TTYH2: variants seen among roughly 807,000 people sequenced by gnomAD.
TTYH2 encodes tweety family member 2.
In TTYH2, 49 loss-of-function variants were observed where a neutral mutation model predicts 68.3. The ratio of observed to expected loss-of-function variants is 0.72; its 90% CI spans 0.57 to 0.91. The LOEUF (loss-of-function observed/expected upper bound fraction) is 0.91, where lower values mean the gene tolerates loss of function less well. Ranked by LOEUF, TTYH2 falls within the 40% of genes least tolerant of loss-of-function variation. TTYH2 has a pLI of 0.00. For synonymous variants in TTYH2, 272 were observed against 300.8 expected (o/e 0.90, Z 0.99); for missense variants, 631 against 700.4 (o/e 0.90, Z 1.12).
rs1172598763 is a variant in TTYH2 at position 74,214,064 on chromosome 17, A to C, written c.129+348A>C. 6.6e-6 allele frequency among the ~76,000 whole-genome samples: 1 copy of C among 152,112 alleles called. No individual in the cohort carries two copies. Among genetic ancestry groups the C allele is most frequent in the Non-Finnish European group, 1.5e-5 (1 of 68,012 alleles). On this transcript the variant is annotated intron_variant, in intron 1 of 13. Coordinates refer to ENST00000269346, the MANE Select transcript of TTYH2 (RefSeq NM_032646.6). This position sits in a 1 kb window ranked among gnomAD's most constrained non-coding sequence, Gnocchi z 4.6. ...AGGACAGGGGCATTCGTCTCGGGGT[A>C]ATCCTGGCGCGCGAGGTGCGGGGAT...
At chr17:74,225,191 G>A (rs940341115) in intron 2 of TTYH2, among the ~76,000 whole-genome samples, 1 of 151,944 alleles carries the variant, frequency 6.6e-6, no homozygotes, top group Non-Finnish European at 1.5e-5. Flanking sequence ...GAGGGAAGAG[G>A]AACGTGCAAA....
intron 13 of TTYH2, among the ~76,000 whole-genome samples, chr17:74,254,906 T>A (rs2050677720): frequency 1.3e-5 from 2 of 152,184 alleles, no homozygotes; most frequent in South Asian, 4.1e-4. Flanking sequence ...AAACACAGCC[T>A]TCCTCAATCC....
At chr17:74,223,996 T>A (rs1182369123) in intron 2 of TTYH2, among the ~76,000 whole-genome samples, 7 of 152,290 alleles carry the variant, frequency 4.6e-5, no homozygotes, top group African/African-American at 1.7e-4. Flanking sequence ...GCTGCTGCAA[T>A]ACATGGCCGG....
At position 74,215,614 on chromosome 17, in the gene TTYH2, C is replaced by T. The variant is rs1034934626; in HGVS notation, c.129+1898C>T. On this transcript the variant is annotated intron_variant, in intron 1 of 13. Coordinates refer to ENST00000269346, the MANE Select transcript of TTYH2 (RefSeq NM_032646.6). This position sits in a 1 kb window ranked among gnomAD's most constrained non-coding sequence, Gnocchi z 4.3. ...CCCACTGGCTCCTGGTCCCGCTCAC[C>T]CCCTCACCACCACTCAGATCGCTGA... The T allele has an allele frequency of 7.0e-5, 108 of 1,535,340 alleles. No homozygotes were observed. In the African/African-American group the frequency reaches 1.2e-3, roughly 17 times the overall value.
intron 10 of TTYH2, chr17:74,251,845 A>G (rs12602357): frequency 0.12 from 24,457 of 204,476 alleles, 1,750 homozygotes; most frequent in Non-Finnish European, 0.15. Context: ...CTGCTGGCCT[A>G]TGTTCTCTCT....
Position 74,250,084 on chromosome 17 carries a change from C to T in TTYH2, c.1023+56C>T. ...CCAGATGAACCCTGACAGCCCTTTC[C>T]CCTGCCCCGGCCCCAGGGCCAGGCT... On this transcript the variant is annotated intron_variant, in intron 9 of 13. Coordinates refer to ENST00000269346, the MANE Select transcript of TTYH2 (RefSeq NM_032646.6). The T allele has an allele frequency of 2.5e-6, 4 of 1,592,572 alleles. No homozygotes were observed. In the South Asian group the frequency reaches 4.4e-5, roughly 18 times the overall value.
rs140938440 is a variant in TTYH2, at chr17:74,236,795, C to T, written c.415-499C>T. ...GACATGAGGACTGGGTGGGTAGTGG[C>T]GGCCTCTGTCTTCAGTCCTTCCTCC... On this transcript the variant is annotated intron_variant, in intron 3 of 13. Coordinates refer to ENST00000269346, the MANE Select transcript of TTYH2 (RefSeq NM_032646.6). 4.6e-3 allele frequency among the ~76,000 whole-genome samples: 701 copies of T among 152,074 alleles called. 6 individuals carry two copies. The highest frequency in any genetic ancestry group is 0.016 in the African/African-American group (668 of 41,470).
At chr17:74,247,241 C>T (rs1449303409) in intron 6 of TTYH2, among the ~76,000 whole-genome samples, 2 of 151,400 alleles carry the variant, frequency 1.3e-5, no homozygotes, top group African/African-American at 2.4e-5. Flanking sequence ...AAAAGAACAG[C>T]GTGAGAAAGA....
At position 74,239,987 on chromosome 17, in the gene TTYH2, A is replaced by T. The variant is rs2050482706; in HGVS notation, c.635+2473A>T. On this transcript the variant is annotated intron_variant, in intron 4 of 13. Transcript: ENST00000269346. The surrounding 1 kb of genome is among the most constrained non-coding windows in gnomAD (Gnocchi z 5.3). ...CTCATGTGGGCATTTTGTTAATGAC[A>T]CTGATGGAATTAAGTCAGAATTTAC... 6.6e-6 allele frequency among the ~76,000 whole-genome samples: 1 copy of T among 152,234 alleles called. No homozygotes were observed. The highest frequency in any genetic ancestry group is 1.5e-5 in the Non-Finnish European group (1 of 68,048).
intron 9 of TTYH2, 44 bp downstream of exon 9, chr17:74,250,072 G>C: frequency 6.2e-7 from 1 of 1,603,332 alleles, no homozygotes; most frequent in Non-Finnish European, 8.5e-7. Flanking sequence ...GATGAACCCT[G>C]ACAGCCCTTT....
intron 1 of TTYH2, among the ~76,000 whole-genome samples, chr17:74,216,062 G>T (rs1003002715): frequency 6.6e-6 from 1 of 152,220 alleles, no homozygotes; most frequent in African/African-American, 2.4e-5. Context: ...CCCTTCATCT[G>T]CAAGAATTAG....
At chr17:74,246,834 A>G (rs1458597652) in intron 6 of TTYH2, among the ~76,000 whole-genome samples, 3 of 152,290 alleles carry the variant, frequency 2.0e-5, no homozygotes, top group South Asian at 4.1e-4. Context: ...CACGTCTTAC[A>G]TGGATGGCAG....
chr17:74,248,973 T>A, intron 6 of TTYH2, 38 bp from the exon 7 acceptor site: 5 of 1,613,726 alleles, frequency 3.1e-6, no homozygotes, highest in Non-Finnish European at 4.2e-6. Context: ...TCCTGATACC[T>A]GATTTTCCTC....
intron 5 of TTYH2, 69 bp downstream of exon 5, chr17:74,243,538 G>A: frequency 1.3e-6 from 2 of 1,533,978 alleles, no homozygotes; most frequent in Admixed American, 3.3e-5. Flanking sequence ...GAGAGACGAG[G>A]GCCTGGCCAG....
In TTYH2 at chr17:74,222,809, A is replaced by G. The variant is rs1465130593; in HGVS notation, c.302+152A>G. Reference sequence around the variant, plus strand: ...GTCCCTTTTTTTTTTTTTACCAAGCATCAGGAATCAGATGCCTGGGGTGGT... The same window carrying G: ...GTCCCTTTTTTTTTTTTTACCAAGCGTCAGGAATCAGATGCCTGGGGTGGT... On this transcript the variant is annotated intron_variant, in intron 2 of 13. Transcript: ENST00000269346. The surrounding 1 kb of genome is among the most constrained non-coding windows in gnomAD (Gnocchi z 5.2). The G allele has an allele frequency of 1.9e-6, 2 of 1,040,862 alleles. No individual in the cohort carries two copies. The highest frequency in any genetic ancestry group is 2.7e-6 in the Non-Finnish European group (2 of 752,350). The allele number at this position is 1,040,862 out of a possible 1,614,324, so 64.5% of individuals were successfully genotyped here.
At chr17:74,235,497 C>T (rs1219986606) in intron 3 of TTYH2, among the ~76,000 whole-genome samples, 7 of 152,254 alleles carry the variant, frequency 4.6e-5, no homozygotes, top group Admixed American at 4.6e-4. Flanking sequence ...GTTCTGCAGG[C>T]ACCCTGGGTC....
At position 74,232,167 on chromosome 17, in the gene TTYH2, G is replaced by A. The variant is rs78915320; in HGVS notation, c.414+1168G>A. 0.022 allele frequency among the ~76,000 whole-genome samples: 3,328 copies of A among 152,298 alleles called. 122 individuals are homozygous for A. The highest frequency in any genetic ancestry group is 0.076 in the African/African-American group (3,168 of 41,548). ...AACAGGAGAATTTGGCCATTGCCCC[G>A]GCATCCTCCAGAAGAGGATTGGACC... On this transcript the variant is annotated intron_variant, in intron 3 of 13. Transcript: ENST00000269346. The surrounding 1 kb of genome is among the most constrained non-coding windows in gnomAD (Gnocchi z 5.1).
intron 1 of TTYH2, among the ~76,000 whole-genome samples, chr17:74,221,412 C>T (rs1003407018): frequency 1.3e-5 from 2 of 152,172 alleles, no homozygotes; most frequent in Admixed American, 6.5e-5. Context: ...CCGCAGGGTC[C>T]TGGAGTACCC....
intron 13 of TTYH2, among the ~76,000 whole-genome samples, chr17:74,254,434 C>G (rs2050672656): frequency 6.6e-6 from 1 of 152,214 alleles, no homozygotes; most frequent in South Asian, 2.1e-4. Flanking sequence ...TCCCAAAGTG[C>G]TGGGATTACA....
Sources: gnomAD v4.1 joint callset for allele counts (sites outside exome capture counted in the v4.1 genomes callset) on GRCh38, gnomAD v4.1.1 for gene constraint, Gnocchi (gnomAD v3.1) non-coding constraint, MANE v1.5 for transcripts, NCBI Gene and HGNC (gene_info 2026-07-23, HGNC 2026-07-21) for gene names.